LDLRAD3: variants seen among roughly 807,000 people sequenced by gnomAD.
LDLRAD3 encodes the protein low-density lipoprotein receptor class A domain-containing protein 3.
A neutral mutation model predicts 29.4 loss-of-function variants in LDLRAD3; 20 were observed. That is an observed-to-expected ratio of 0.68 (90% CI 0.48 to 0.99). The LOEUF is 0.99. Ranked by LOEUF, LDLRAD3 falls within the 50% of genes least tolerant of loss-of-function variation. The pLI is 0.00. For missense variants in LDLRAD3, 420 were observed against 454.3 expected (o/e 0.92, Z 0.69); for synonymous variants, 157 against 192.7 (o/e 0.81, Z 1.53).
At chr11:36,005,425 C>T (rs1415050031) in intron 1 of LDLRAD3, among the ~76,000 whole-genome samples, 3 of 152,228 alleles carry the variant, frequency 2.0e-5, no homozygotes, top group Non-Finnish European at 4.4e-5. Context: ...ACCTTTACTC[C>T]CGTTCCCGAT....
rs2942401 is a variant in LDLRAD3, at chr11:35,944,776, T to C, written c.46+632T>C. On this transcript the variant is annotated intron_variant, in intron 1 of 5. Coordinates refer to ENST00000315571, the MANE Select transcript of LDLRAD3 (RefSeq NM_174902.4). This position sits in a 1 kb window ranked among gnomAD's most constrained non-coding sequence, Gnocchi z 4.9. The stretch of plus-strand genomic sequence containing the variant: ...GAACCGAAGCTTTATTTAAGACGTC[T>C]GACCACCCTACTTGCCCCGCGATGG... 7.2e-4 allele frequency among the ~76,000 whole-genome samples: 109 copies of C among 152,348 alleles called. 1 individual carries two copies. Among genetic ancestry groups the C allele is most frequent in the African/African-American group, 2.5e-3 (105 of 41,588 alleles).
chr11:36,148,059 CG>C (rs1854224021), intron 4 of LDLRAD3, among the ~76,000 whole-genome samples: 1 of 152,006 alleles, frequency 6.6e-6, no homozygotes, highest in Non-Finnish European at 1.5e-5. Flanking sequence ...TTAGTAGAGA[CG>C]GGGTTTCACC....
chr11:36,006,157 G>A (rs964459868), intron 1 of LDLRAD3, among the ~76,000 whole-genome samples: 4 of 152,170 alleles, frequency 2.6e-5, no homozygotes, highest in Non-Finnish European at 4.4e-5. Flanking sequence ...ATCATTGAGT[G>A]TTTTCCTCTA....
chr11:36,047,906 G>A (rs1852474311), intron 2 of LDLRAD3, among the ~76,000 whole-genome samples: 1 of 152,130 alleles, frequency 6.6e-6, no homozygotes, highest in South Asian at 2.1e-4. Flanking sequence ...TCTGCCCCTA[G>A]CTAGTCACTT....
intron 2 of LDLRAD3, among the ~76,000 whole-genome samples, chr11:36,043,009 TAA>T (rs34537513): frequency 9.3e-5 from 14 of 150,198 alleles, no homozygotes; most frequent in Middle Eastern, 6.9e-3. Context: ...CTCCTTTGTT[TAA>T]AAAAAAAAAA....
At chr11:36,003,977 G>C (rs926959935) in intron 1 of LDLRAD3, among the ~76,000 whole-genome samples, 2 of 152,094 alleles carry the variant, frequency 1.3e-5, no homozygotes, top group African/African-American at 4.8e-5. Context: ...AAACAGCAAA[G>C]GGGAAATCTG....
At chr11:36,008,310 T>C (rs1851909916) in intron 1 of LDLRAD3, among the ~76,000 whole-genome samples, 1 of 152,144 alleles carries the variant, frequency 6.6e-6, no homozygotes, top group South Asian at 2.1e-4. Flanking sequence ...TAGATACAGA[T>C]TGTGCTTTGA....
intron 2 of LDLRAD3, among the ~76,000 whole-genome samples, chr11:36,039,696 T>C (rs1852356149): frequency 1.3e-5 from 2 of 152,240 alleles, no homozygotes; most frequent in South Asian, 2.1e-4. Context: ...ACATTCTATA[T>C]TGAGGATTCA....
chr11:36,077,673 G>A (rs900777951), intron 2 of LDLRAD3, among the ~76,000 whole-genome samples: 1 of 152,216 alleles, frequency 6.6e-6, no homozygotes, highest in African/African-American at 2.4e-5. Context: ...GCTGACACTG[G>A]GGAATGCAGT....
chr11:36,122,730 A>C (rs1590285536), intron 4 of LDLRAD3, among the ~76,000 whole-genome samples: 1 of 152,118 alleles, frequency 6.6e-6, no homozygotes, highest in East Asian at 1.9e-4. Flanking sequence ...CTATGCACTC[A>C]TGGTACTGCC....
At chr11:36,114,499 T>C (rs780025733) in intron 4 of LDLRAD3, among the ~76,000 whole-genome samples, 4 of 152,212 alleles carry the variant, frequency 2.6e-5, no homozygotes, top group Non-Finnish European at 4.4e-5. Flanking sequence ...TGGAGTGTGA[T>C]CAAGGTGACA....
At chr11:36,145,046 G>T (rs1361702755) in intron 4 of LDLRAD3, among the ~76,000 whole-genome samples, 1 of 99,796 alleles carries the variant, frequency 1.0e-5, no homozygotes, top group Non-Finnish European at 2.1e-5. Flanking sequence ...CTGCCCGGCC[G>T]CCTCTACTGG....
At chr11:35,979,395 T>C (rs1009186628) in intron 1 of LDLRAD3, among the ~76,000 whole-genome samples, 2 of 152,234 alleles carry the variant, frequency 1.3e-5, no homozygotes, top group Non-Finnish European at 2.9e-5. Flanking sequence ...ACCTATGACC[T>C]CTCTGAACTT....
intron 4 of LDLRAD3, among the ~76,000 whole-genome samples, chr11:36,102,439 C>G (rs543208138): frequency 1.3e-5 from 2 of 152,260 alleles, no homozygotes; most frequent in Non-Finnish European, 2.9e-5. Context: ...TCCAATTTGA[C>G]TAGGGTATGA....
intron 4 of LDLRAD3, among the ~76,000 whole-genome samples, chr11:36,191,680 T>C (rs576784635): frequency 6.7e-6 from 1 of 150,032 alleles, no homozygotes; most frequent in South Asian, 2.1e-4. Context: ...TTTGAATTCG[T>C]TGAGAAGAGA....
chr11:35,946,562 T>C (rs76406561), intron 1 of LDLRAD3, among the ~76,000 whole-genome samples: 1,651 of 152,302 alleles, frequency 0.011, 23 homozygotes, highest in Middle Eastern at 0.024. Flanking sequence ...GCCCAAGTCA[T>C]GTCATCTGAT....
At chr11:36,120,071 C>T (rs945395387) in intron 4 of LDLRAD3, among the ~76,000 whole-genome samples, 6 of 152,112 alleles carry the variant, frequency 3.9e-5, no homozygotes, top group Admixed American at 2.6e-4. Context: ...CATCTTTTAT[C>T]GAAAATGTTA....
At chr11:36,001,765 G>A (rs1263128515) in intron 1 of LDLRAD3, among the ~76,000 whole-genome samples, 1 of 59,802 alleles carries the variant, frequency 1.7e-5, no homozygotes, top group African/African-American at 6.4e-5. Context: ...ATACGTGTGT[G>A]TGTGTGTGTG....
intron 1 of LDLRAD3, among the ~76,000 whole-genome samples, chr11:35,989,941 T>G (rs1337126837): frequency 6.6e-6 from 1 of 152,188 alleles, no homozygotes; most frequent in Non-Finnish European, 1.5e-5. Context: ...AGGGATCATC[T>G]GAAAACCTCA....
Sources: gnomAD v4.1 joint callset for allele counts (sites outside exome capture counted in the v4.1 genomes callset) on GRCh38, gnomAD v4.1.1 for gene constraint, Gnocchi (gnomAD v3.1) non-coding constraint, MANE v1.5 for transcripts, NCBI Gene and HGNC (gene_info 2026-07-23, HGNC 2026-07-21) for gene names.